The following NBAS variants were observed in gnomAD, a reference collection of about 807,000 sequenced individuals.
The protein encoded by NBAS is NBAS subunit of NRZ tethering complex.
A neutral mutation model predicts 302.5 loss-of-function variants in NBAS; 219 were observed. The ratio of observed to expected loss-of-function variants is 0.72; its 90% CI spans 0.65 to 0.81. The LOEUF is 0.81. Among genes scored for constraint, NBAS ranks in the 30% least tolerant of loss-of-function variants. The probability of loss-of-function intolerance (pLI) is 0.00; values close to 1 mark genes in which losing one functional copy is unlikely to be tolerated. For missense variants in NBAS, 2,932 were observed against 2,841.6 expected (o/e 1.03, Z -0.72); for synonymous variants, 1,118 against 1,021.6 (o/e 1.09, Z -1.80).
the NBAS span, among the ~76,000 whole-genome samples, chr2:14,846,486 A>C: frequency 3.3e-5 from 5 of 151,986 alleles, no homozygotes; most frequent in East Asian, 7.7e-4. Flanking sequence ...AATCAACTGA[A>C]GGTACAAAGC....
At chr2:15,165,871 C>T (rs940680960), downstream of NBAS, among the ~76,000 whole-genome samples, 2 of 152,218 alleles carry the variant, frequency 1.3e-5, no homozygotes, top group African/African-American at 4.8e-5. Context: ...TCTACCTAGA[C>T]TAAACCTTCC....
chr2:14,918,075 T>C, the NBAS span, among the ~76,000 whole-genome samples: 41,032 of 151,954 alleles, frequency 0.27, 5,613 homozygotes, highest in African/African-American at 0.33. Context: ...CTTTGTGAGC[T>C]TGTGAATAAA....
At chr2:15,277,295 A>C (rs1471573914) in intron 42 of NBAS, among the ~76,000 whole-genome samples, 194 bp from the exon 43 acceptor site, 1 of 152,202 alleles carries the variant, frequency 6.6e-6, no homozygotes. Context: ...CTAACATTTA[A>C]CTGACTACAC....
At chr2:14,898,311 C>A in the NBAS span, among the ~76,000 whole-genome samples, 3 of 152,270 alleles carry the variant, frequency 2.0e-5, no homozygotes, top group Non-Finnish European at 4.4e-5. Flanking sequence ...CACAGGGTAG[C>A]TTTTCCTAGT....
chr2:15,378,186 T>G (rs969398499), intron 30 of NBAS, among the ~76,000 whole-genome samples: 2 of 152,162 alleles, frequency 1.3e-5, no homozygotes, highest in African/African-American at 2.4e-5. Flanking sequence ...GTCAGTTGCC[T>G]TGAGGCGGAA....
At chr2:14,840,689 T>C in the NBAS span, among the ~76,000 whole-genome samples, 3 of 152,176 alleles carry the variant, frequency 2.0e-5, no homozygotes, top group Middle Eastern at 6.8e-3. Context: ...ATAGCTATCC[T>C]TCAAACGTAA....
chr2:14,826,395 C>T, the NBAS span, among the ~76,000 whole-genome samples: 1 of 152,272 alleles, frequency 6.6e-6, no homozygotes, highest in East Asian at 1.9e-4. Context: ...AATGCACACA[C>T]ATACATAAGA....
At chr2:15,275,066 A>G (rs1669507667) in intron 44 of NBAS, among the ~76,000 whole-genome samples, 1 of 151,936 alleles carries the variant, frequency 6.6e-6, no homozygotes, top group Non-Finnish European at 1.5e-5. Flanking sequence ...TACAGGCTTG[A>G]GCCGCTATGC....
At position 15,399,074 on chromosome 2, in the gene NBAS, A is replaced by G. The variant is rs150116928; in HGVS notation, c.3072-2599T>C. Among the ~76,000 whole-genome samples, 1,363 of 152,320 alleles carry G rather than the reference A, an allele frequency of 8.9e-3. 8 individuals carry two copies. The highest frequency in any genetic ancestry group is 0.015 in the Non-Finnish European group (989 of 68,022). ...TCATCAGCCTATTGATACTATGACAATCTCCTCGAAGTAGACAAATTACTA... is the reference window on the plus strand; with the variant it reads ...TCATCAGCCTATTGATACTATGACAGTCTCCTCGAAGTAGACAAATTACTA... On this transcript the variant is annotated intron_variant, in intron 26 of 51. Transcript: ENST00000281513.
At chr2:14,842,484 G>A in the NBAS span, among the ~76,000 whole-genome samples, 1 of 151,756 alleles carries the variant, frequency 6.6e-6, no homozygotes, top group African/African-American at 2.4e-5. Context: ...CTAAAAAGAT[G>A]ACATAACAAC....
At chr2:15,444,308 A>C (rs1399822381) in intron 21 of NBAS, among the ~76,000 whole-genome samples, 3 of 152,230 alleles carry the variant, frequency 2.0e-5, no homozygotes, top group African/African-American at 7.2e-5. Flanking sequence ...AAACAGAGAT[A>C]TAGATCAATG....
the NBAS span, among the ~76,000 whole-genome samples, chr2:15,068,171 C>A: frequency 6.6e-6 from 1 of 152,342 alleles, no homozygotes; most frequent in South Asian, 2.1e-4. Context: ...TAGCCTCAGG[C>A]AGGTCCCCTA....
At chr2:15,518,742 T>C (rs1320972057) in intron 9 of NBAS, among the ~76,000 whole-genome samples, 4 of 152,128 alleles carry the variant, frequency 2.6e-5, no homozygotes, top group Non-Finnish European at 5.9e-5. Context: ...GAGAGTTTTA[T>C]TGGACATACA....
At chr2:15,318,217 G>A (rs1671609564) in intron 38 of NBAS, among the ~76,000 whole-genome samples, 1 of 152,152 alleles carries the variant, frequency 6.6e-6, no homozygotes, top group South Asian at 2.1e-4. Context: ...GTCACTACCA[G>A]GCCTGCCTTA....
intron 44 of NBAS, among the ~76,000 whole-genome samples, chr2:15,264,863 T>C (rs1015880638): frequency 1.3e-5 from 2 of 152,216 alleles, no homozygotes; most frequent in African/African-American, 4.8e-5. Flanking sequence ...GAAAATGTTT[T>C]ATCTGCTCCA....
At chr2:14,853,276 C>G in the NBAS span, among the ~76,000 whole-genome samples, 1 of 63,720 alleles carries the variant, frequency 1.6e-5, no homozygotes, top group Non-Finnish European at 2.8e-5. Context: ...TGAACAGACA[C>G]TTCTCAAAAG....
chr2:15,507,283 G>A (rs1661904719), intron 10 of NBAS, among the ~76,000 whole-genome samples: 1 of 151,882 alleles, frequency 6.6e-6, no homozygotes, highest in Non-Finnish European at 1.5e-5. Flanking sequence ...CTGGCAGGGT[G>A]TGGGATCCTA....
chr2:15,086,422 T>C, the NBAS span, among the ~76,000 whole-genome samples: 1 of 152,194 alleles, frequency 6.6e-6, no homozygotes, highest in Admixed American at 6.5e-5. Flanking sequence ...TTCTTCCTGG[T>C]CGCAGGACAA....
chr2:14,808,441 T>C, the NBAS span, among the ~76,000 whole-genome samples: 1 of 152,154 alleles, frequency 6.6e-6, no homozygotes, highest in African/African-American at 2.4e-5. Flanking sequence ...CATTGAATCC[T>C]GGGGGCGGGT....
Sources: allele counts gnomAD v4.1 joint callset (sites outside exome capture counted in the v4.1 genomes callset), GRCh38; gene constraint gnomAD v4.1.1; transcripts MANE v1.5; gene names NCBI Gene and HGNC (gene_info 2026-07-23, HGNC 2026-07-21).